Variants in HOMER2 observed in about 807,000 individuals in gnomAD.
The protein encoded by HOMER2 is homer scaffold protein 2, also known as homer protein homolog 2.
A neutral mutation model predicts 47.0 loss-of-function variants in HOMER2; 27 were observed. The observed-to-expected ratio is 0.57, with a 90% CI of 0.42 to 0.79. HOMER2 has a LOEUF of 0.79. Ranked by LOEUF, HOMER2 falls within the 30% of genes least tolerant of loss-of-function variation. The pLI, the probability that HOMER2 is intolerant of heterozygous loss-of-function variation, is 0.00. For missense variants in HOMER2, 443 were observed against 435.0 expected, an observed-to-expected ratio of 1.02 and a Z score of -0.16; for synonymous variants, 161 against 163.8, an observed-to-expected ratio of 0.98 and a Z score of 0.13.
At position 82,896,620 on chromosome 15, in the gene HOMER2, C is replaced by T. The variant is rs904434782; in HGVS notation, c.6-3779G>A. ...AGACCTGGGAGGGGTACTGCAGGGCCTCCTGGCAGCTCCATTCTGAGGTAG... is the reference window on the plus strand; with the variant it reads ...AGACCTGGGAGGGGTACTGCAGGGCTTCCTGGCAGCTCCATTCTGAGGTAG... On this transcript the variant is annotated intron_variant, in intron 1 of 8. Transcript: ENST00000450735. 2.6e-5 allele frequency among the ~76,000 whole-genome samples: 4 copies of T among 152,202 alleles called. No individual in the cohort carries two copies. The East Asian group carries it at 7.7e-4, about 29-fold the overall frequency.
chr15:82,834,875 G>GTGTT (rs1181476414), downstream of HOMER2: 1 of 152,156 alleles, frequency 6.6e-6, no homozygotes, highest in African/African-American at 2.4e-5. Flanking sequence ...TGGAGCAATA[G>GTGTT]TGTTATTTTC....
At chr15:82,940,550 T>C (rs905325648) in intron 1 of HOMER2, among the ~76,000 whole-genome samples, 2 of 152,154 alleles carry the variant, frequency 1.3e-5, no homozygotes, top group Non-Finnish European at 2.9e-5. Flanking sequence ...GAGACCATCC[T>C]GGCTAACACA....
intron 8 of HOMER2, among the ~76,000 whole-genome samples, chr15:82,850,475 T>TACA (rs1218647741): frequency 6.6e-6 from 1 of 152,148 alleles, no homozygotes; most frequent in African/African-American, 2.4e-5. Context: ...CCCACAAGCC[T>TACA]ACAGAGGCAC....
intron 1 of HOMER2, among the ~76,000 whole-genome samples, chr15:82,920,171 G>A (rs1180613434): frequency 6.6e-6 from 1 of 152,056 alleles, no homozygotes; most frequent in Non-Finnish European, 1.5e-5. Context: ...AATTCTTTTT[G>A]CCCACTTCCC....
exon 2 of HOMER2, chr15:82,839,848 G>C (rs1468701714): frequency 6.6e-6 from 1 of 152,058 alleles, no homozygotes; most frequent in Non-Finnish European, 1.5e-5. Context: ...TTCTTCTTCA[G>C]TTTCCTGGAG....
intron 1 of HOMER2, among the ~76,000 whole-genome samples, chr15:82,919,163 C>CACTGACCT (rs2053664977): frequency 6.6e-6 from 1 of 152,172 alleles, no homozygotes. Context: ...GATTGGGAAA[C>CACTGACCT]ACTGACCTAG....
chr15:82,965,777 T>C (rs1278382074), intron 1 of HOMER2, among the ~76,000 whole-genome samples: 1 of 152,016 alleles, frequency 6.6e-6, no homozygotes, highest in Non-Finnish European at 1.5e-5. Flanking sequence ...CCTTTTTTTT[T>C]TTTTTATTTT....
intron 1 of HOMER2, chr15:82,898,319 G>C (rs941529999): frequency 1.3e-5 from 2 of 152,214 alleles, no homozygotes; most frequent in Admixed American, 6.5e-5. Flanking sequence ...AAGAGAATCA[G>C]AACTTTCCAA....
intron 1 of HOMER2, among the ~76,000 whole-genome samples, chr15:82,908,750 A>T (rs1282674359): frequency 6.7e-6 from 1 of 150,362 alleles, no homozygotes; most frequent in African/African-American, 2.4e-5. Flanking sequence ...TTTTTTTTAA[A>T]AAAAAAAAAA....
chr15:82,853,974 C>T (rs910177285), intron 6 of HOMER2, among the ~76,000 whole-genome samples: 1 of 152,286 alleles, frequency 6.6e-6, no homozygotes, highest in African/African-American at 2.4e-5. Flanking sequence ...TCTCACCTAC[C>T]CTCTGGGTCC....
chr15:82,860,952 A>AGAGAGAGAGAGAG (rs56193557), intron 4 of HOMER2, among the ~76,000 whole-genome samples: 1,300 of 105,634 alleles, frequency 0.012, 76 homozygotes, highest in East Asian at 0.058. Context: ...TAGAAGATAG[A>AGAGAGAGAGAGAG]AGATGAGAGA....
At chr15:82,859,862 A>C (rs1288856151) in intron 4 of HOMER2, among the ~76,000 whole-genome samples, 1 of 152,128 alleles carries the variant, frequency 6.6e-6, no homozygotes, top group Non-Finnish European at 1.5e-5. Context: ...CAATTTCTGA[A>C]TTTCAAAAAA....
chr15:82,854,882 A>T, intron 5 of HOMER2, 82 bp from the exon 6 acceptor site: 1 of 1,507,672 alleles, frequency 6.6e-7, no homozygotes, highest in Non-Finnish European at 9.0e-7. Context: ...GGACTCCGCC[A>T]TCCCTCAGCA....
chr15:82,864,132 C>T (rs1199204941), intron 4 of HOMER2, 35 bp downstream of exon 4: 1 of 1,395,098 alleles, frequency 7.2e-7, no homozygotes, highest in Non-Finnish European at 1.0e-6. Context: ...TATCACCAAC[C>T]CCACTGGGAT....
chr15:82,919,504 A>T (rs1458332059), intron 1 of HOMER2, among the ~76,000 whole-genome samples: 1 of 152,222 alleles, frequency 6.6e-6, no homozygotes, highest in Non-Finnish European at 1.5e-5. Flanking sequence ...CATTACTAGT[A>T]TAATAATCCA....
intron 2 of HOMER2, among the ~76,000 whole-genome samples, chr15:82,881,370 G>C (rs922181395): frequency 3.2e-4 from 49 of 152,306 alleles, no homozygotes; most frequent in African/African-American, 1.2e-3. Context: ...CCTTTCATGA[G>C]AAGTCTTTCC....
chr15:82,867,424 G>C (rs963665651), intron 3 of HOMER2, among the ~76,000 whole-genome samples: 1 of 149,046 alleles, frequency 6.7e-6, no homozygotes, highest in African/African-American at 2.5e-5. Flanking sequence ...AATATCTATA[G>C]CTAAGCTAGT....
intron 1 of HOMER2, among the ~76,000 whole-genome samples, chr15:82,930,997 C>T (rs543749818): frequency 6.6e-6 from 1 of 152,130 alleles, no homozygotes; most frequent in South Asian, 2.1e-4. Flanking sequence ...CTGCCCTGTG[C>T]ACACCCCGCC....
At chr15:82,927,673 T>A (rs1457652678) in intron 1 of HOMER2, among the ~76,000 whole-genome samples, 1 of 152,188 alleles carries the variant, frequency 6.6e-6, no homozygotes, top group East Asian at 1.9e-4. Flanking sequence ...AGTTAGGATG[T>A]AAGAAGTGCA....
Sources: allele counts gnomAD v4.1 joint callset (sites outside exome capture counted in the v4.1 genomes callset), GRCh38; gene constraint gnomAD v4.1.1; transcripts MANE v1.5; gene names NCBI Gene and HGNC (gene_info 2026-07-23, HGNC 2026-07-21).